The following WASHC4 variants were observed in gnomAD, a reference collection of about 807,000 sequenced individuals.
WASHC4 encodes WASH complex subunit 4.
In WASHC4, 86 loss-of-function variants were observed where a neutral mutation model predicts 166.6. The ratio of observed to expected loss-of-function variants is 0.52; its 90% CI spans 0.43 to 0.62. The LOEUF is 0.62. Ranked by LOEUF, WASHC4 falls within the 20% of genes least tolerant of loss-of-function variation. WASHC4 has a pLI of 0.00. For missense variants in WASHC4, 1,262 were observed against 1,382.4 expected (o/e 0.91, Z 1.38); for synonymous variants, 446 against 451.6 (o/e 0.99, Z 0.16).
intron 21 of WASHC4, 74 bp downstream of exon 21, chr12:105,144,529 T>G: frequency 3.7e-6 from 5 of 1,351,598 alleles, no homozygotes; most frequent in Non-Finnish European, 4.1e-6. Context: ...TAAACAAAAC[T>G]TTGAGGGTAT....
Position 105,115,208 on chromosome 12 carries a change from C to T in WASHC4, c.346C>T (p.Leu116Phe), listed in dbSNP as rs773587638. The change falls in exon 5 of 33, where the codon CTC (leucine) becomes TTC (phenylalanine). Residue 116 changes from leucine to phenylalanine, a missense_variant. Transcript: ENST00000332180. ...GGCTGAAACTAAATTTTACAATGGT[C>T]TCTTGTTTTATGGAGAAGGAGGTAA... The part of the protein sequence containing the change: ...YEAETKFYNG[L>F]LFYGEGATDA... 6.4e-7 allele frequency: 1 copy of T among 1,556,074 alleles called. No homozygotes were observed. The highest frequency in any genetic ancestry group is 1.1e-5 in the South Asian group (1 of 89,444).
intron 1 of WASHC4, 69 bp downstream of exon 1, chr12:105,107,930 A>G (rs1483451981): frequency 7.4e-6 from 9 of 1,214,822 alleles, no homozygotes; most frequent in African/African-American, 3.0e-5. Flanking sequence ...TGGGCTGGGC[A>G]GCGCTCCTGC....
chr12:105,126,323 T>TG lies in WASHC4; in HGVS notation c.999_1000insG (p.Lys334GlufsTer5). The TG allele has an allele frequency of 6.3e-7, 1 of 1,597,576 alleles. No homozygotes were observed. On this transcript the variant is annotated frameshift_variant, in exon 12 of 33. Coordinates refer to ENST00000332180, the MANE Select transcript of WASHC4 (RefSeq NM_015275.3). LOFTEE classifies it high-confidence loss of function. ...ACTTTCAGATTTTTCGAACTATTGA[T>TG]AAAAAGTTTTATAAGTCTTTATTGG... is the stretch of plus-strand genomic sequence containing the variant.
rs1057480497 is a variant in WASHC4, at chr12:105,167,029, C to T, written c.*98C>T. Reference sequence around the variant, plus strand: ...ACTATTGATGAATTGTTTCCTGGGTCACATCTCTGGAAAATAGATGTTACA... The same window carrying T: ...ACTATTGATGAATTGTTTCCTGGGTTACATCTCTGGAAAATAGATGTTACA... On this transcript the variant is annotated 3_prime_UTR_variant, in exon 33 of 33. Transcript: ENST00000332180. The T allele has an allele frequency of 1.2e-6, 1 of 827,654 alleles. No individual in the cohort carries two copies. The highest frequency in any genetic ancestry group is 2.1e-6 in the Non-Finnish European group (1 of 480,502). 51.3% of individuals were successfully genotyped at this position (827,654 alleles called of 1,614,324 possible).
At position 105,161,894 on chromosome 12, in the gene WASHC4, T is replaced by C. The variant is rs188467868; in HGVS notation, c.3061-855T>C. ...TATAGTCACATGTGGCTACTTAAGT[T>C]AATTAAAATTTCATAAAATTAAAAT... is the stretch of plus-strand genomic sequence containing the variant. On this transcript the variant is annotated intron_variant, in intron 29 of 32. Transcript: ENST00000332180. Among the ~76,000 whole-genome samples the C allele has an allele frequency of 2.2e-4, 34 of 152,322 alleles. No individual in the cohort carries two copies. The East Asian group carries it at 6.4e-3, about 28-fold the overall frequency.
In WASHC4 at chr12:105,164,170, T is replaced by G; in HGVS notation, c.3217T>G (p.Phe1073Val). Residue 1073 changes from phenylalanine to valine, a missense_variant, in exon 31 of 33, where the codon TTC (phenylalanine) becomes GTC (valine). Physicochemically the swap from Phe to Val is conservative, Grantham distance 50 (BLOSUM62 -1). Coordinates refer to ENST00000332180, the MANE Select transcript of WASHC4 (RefSeq NM_015275.3). Reference protein sequence around the residue: ...QYREFDSLHWFQSVREKYLKE... With the variant: ...QYREFDSLHWVQSVREKYLKE... ...TCGGGAGTTTGATTCACTTCACTGG[T>G]TCCAGTCTGTTAGAGAGAAATACCT... 1 of 1,614,148 alleles carries G rather than the reference T, an allele frequency of 6.2e-7. No homozygotes were observed. The highest frequency in any genetic ancestry group is 8.5e-7 in the Non-Finnish European group (1 of 1,180,002).
chr12:105,144,208 T>C (rs1883101649), intron 20 of WASHC4, 79 bp from the exon 21 acceptor site: 1 of 1,202,760 alleles, frequency 8.3e-7, no homozygotes, highest in Non-Finnish European at 1.2e-6. Context: ...TGGTTTAAAA[T>C]GGAGCATAGA....
chr12:105,127,021 A>C, intron 12 of WASHC4, 108 bp from the exon 13 acceptor site: 1 of 930,694 alleles, frequency 1.1e-6, no homozygotes, highest in African/African-American at 1.7e-5. Flanking sequence ...TTTTGTGGTT[A>C]TTTTTTCTTG....
intron 13 of WASHC4, among the ~76,000 whole-genome samples, chr12:105,131,615 T>G (rs922606547): frequency 1.3e-5 from 2 of 152,218 alleles, no homozygotes; most frequent in Non-Finnish European, 1.5e-5. Flanking sequence ...TCCTTGCTTA[T>G]GACTTTTCTG....
At chr12:105,122,357 T>C in intron 10 of WASHC4, 119 bp downstream of exon 10, 1 of 1,062,310 alleles carries the variant, frequency 9.4e-7, no homozygotes, top group Non-Finnish European at 1.4e-6. Flanking sequence ...AAAAGTGCTT[T>C]GGCTTAAAAT....
intron 13 of WASHC4, among the ~76,000 whole-genome samples, chr12:105,128,779 T>G (rs1325887087): frequency 1.3e-5 from 2 of 151,512 alleles, no homozygotes; most frequent in Non-Finnish European, 2.9e-5. Context: ...TTTTGTTTTT[T>G]TTTTTGATTT....
intron 6 of WASHC4, among the ~76,000 whole-genome samples, chr12:105,116,850 C>G (rs1880232265): frequency 6.6e-6 from 1 of 152,076 alleles, no homozygotes; most frequent in Non-Finnish European, 1.5e-5. Flanking sequence ...CCTTTACATC[C>G]AGAGAACAAA....
chr12:105,114,555 T>A, intron 4 of WASHC4, 128 bp downstream of exon 4: 1 of 697,278 alleles, frequency 1.4e-6, no homozygotes, highest in Non-Finnish European at 2.5e-6. Flanking sequence ...AACGTAATAC[T>A]AATACGGACT....
chr12:105,153,564 C>G (rs1317734946), intron 26 of WASHC4, among the ~76,000 whole-genome samples: 3 of 152,154 alleles, frequency 2.0e-5, no homozygotes, highest in African/African-American at 7.2e-5. Context: ...AGCAATAGTT[C>G]TTAACCTTTT....
chr12:105,108,886 C>G (rs1879358168), intron 1 of WASHC4, among the ~76,000 whole-genome samples: 2 of 152,216 alleles, frequency 1.3e-5, no homozygotes. Context: ...GAGTGAGCTA[C>G]ATCCAGGATG....
chr12:105,139,425 G>GTGTATATATATATATATA, intron 15 of WASHC4, among the ~76,000 whole-genome samples: 20 of 103,220 alleles, frequency 1.9e-4, no homozygotes, highest in Non-Finnish European at 2.8e-4. Context: ...ATGTGTGTGT[G>GTGTATATATATATATATA]TATATATATA....
chr12:105,153,668 A>G (rs750575294), intron 26 of WASHC4, among the ~76,000 whole-genome samples: 1 of 152,228 alleles, frequency 6.6e-6, no homozygotes, highest in Non-Finnish European at 1.5e-5. Context: ...GCTAGAGTCC[A>G]TGTGCTTAAA....
chr12:105,165,013 T>C (rs58297772), intron 32 of WASHC4, among the ~76,000 whole-genome samples: 2 of 152,256 alleles, frequency 1.3e-5, no homozygotes, highest in Non-Finnish European at 2.9e-5. Flanking sequence ...TTCACAAGTT[T>C]GGTTTTTCTT....
intron 15 of WASHC4, among the ~76,000 whole-genome samples, chr12:105,139,425 G>GTGTGTGTGTGTGTGTGTGTGTGTGTATA: frequency 2.9e-5 from 3 of 103,188 alleles, no homozygotes; most frequent in Admixed American, 1.1e-4. Context: ...ATGTGTGTGT[G>GTGTGTGTGTGTGTGTGTGTGTGTGTATA]TATATATATA....
Sources: gnomAD v4.1 joint callset for allele counts (sites outside exome capture counted in the v4.1 genomes callset) on GRCh38, gnomAD v4.1.1 for gene constraint, MANE v1.5 for transcripts, NCBI Gene and HGNC (gene_info 2026-07-23, HGNC 2026-07-21) for gene names.